KCNH5: variants seen among roughly 807,000 people sequenced by gnomAD.
The protein encoded by KCNH5 is potassium voltage-gated channel subfamily H member 5, also known as voltage-gated delayed rectifier potassium channel KCNH5.
A neutral mutation model predicts 96.1 loss-of-function variants in KCNH5; 46 were observed. That is an observed-to-expected ratio of 0.48 (90% confidence interval 0.38 to 0.61). The LOEUF (loss-of-function observed/expected upper bound fraction) is 0.61, where lower values mean the gene tolerates loss of function less well. Ranked by LOEUF, KCNH5 falls within the 20% of genes least tolerant of loss-of-function variation. The probability of loss-of-function intolerance (pLI) is 0.00; values close to 1 mark genes in which losing one functional copy is unlikely to be tolerated. For missense variants in KCNH5, 907 were observed against 1,225.8 expected, an observed-to-expected ratio of 0.74 and a Z score of 3.88; for synonymous variants, 439 against 449.8, an observed-to-expected ratio of 0.98 and a Z score of 0.30.
At chr14:62,953,098 GT>G (rs947232034) in intron 6 of KCNH5, among the ~76,000 whole-genome samples, 18 of 151,306 alleles carry the variant, frequency 1.2e-4, no homozygotes, top group African/African-American at 4.4e-4. Context: ...ATTATAAAAT[GT>G]TTTACAAGCT....
At chr14:62,868,348 G>A (rs985671399) in intron 7 of KCNH5, among the ~76,000 whole-genome samples, 1 of 152,138 alleles carries the variant, frequency 6.6e-6, no homozygotes, top group Non-Finnish European at 1.5e-5. Flanking sequence ...AATTCTCCAA[G>A]GCAACAGGCC....
Position 62,878,210 on chromosome 14 carries a change from G to GA in KCNH5, c.1370-28359_1370-28358insT, listed in dbSNP as rs1239093761. Among the ~76,000 whole-genome samples, 5 of 138,182 alleles carry GA rather than the reference G, an allele frequency of 3.6e-5. 1 individual carries two copies. The highest frequency in any genetic ancestry group is 1.3e-4 in the African/African-American group (5 of 39,146). 90.7% of individuals were successfully genotyped at this position (138,182 alleles called of 152,430 possible). ...GGGACTGTTGTGGGGATGGGGGGGG[G>GA]GGCGGAGGGATAGCATTAGGAGATA... On this transcript the variant is annotated intron_variant, in intron 7 of 10. Transcript: ENST00000322893.
At chr14:62,775,541 T>C (rs1886078136) in intron 10 of KCNH5, among the ~76,000 whole-genome samples, 1 of 152,236 alleles carries the variant, frequency 6.6e-6, no homozygotes, top group Non-Finnish European at 1.5e-5. Context: ...CGTTCACAGA[T>C]GAAATGAACT....
intron 7 of KCNH5, among the ~76,000 whole-genome samples, chr14:62,923,834 A>T (rs1034657304): frequency 6.6e-6 from 1 of 152,008 alleles, no homozygotes; most frequent in Non-Finnish European, 1.5e-5. Flanking sequence ...TGGATTAAAT[A>T]CTTGAACATA....
intron 10 of KCNH5, among the ~76,000 whole-genome samples, chr14:62,720,532 G>C (rs940453279): frequency 6.6e-6 from 1 of 152,148 alleles, no homozygotes; most frequent in Admixed American, 6.5e-5. Flanking sequence ...GCACTGAGCT[G>C]AGATCGCGCC....
intron 10 of KCNH5, among the ~76,000 whole-genome samples, chr14:62,711,170 A>G (rs1475328265): frequency 6.6e-6 from 1 of 152,168 alleles, no homozygotes; most frequent in Non-Finnish European, 1.5e-5. Flanking sequence ...TAACATGTCC[A>G]TGTAAAATAT....
intron 10 of KCNH5, among the ~76,000 whole-genome samples, chr14:62,779,254 A>G (rs1008412895): frequency 6.2e-4 from 94 of 152,340 alleles, no homozygotes; most frequent in African/African-American, 2.1e-3. Flanking sequence ...CAATGTGGCT[A>G]ATTAATTTTT....
chr14:62,950,223 T>C lies in KCNH5; in HGVS notation c.1279A>G (p.Met427Val). Residue 427 changes from methionine to valine, a missense_variant, in exon 7 of 11, where the codon ATG becomes GTG. By Grantham distance (21) the Met-to-Val change is conservative (BLOSUM62 1). This residue lies in a region of KCNH5 where 370 missense variants were observed against 561.3 expected (regional missense o/e 0.66). Transcript: ENST00000322893. ...AATCCTATGGTTGTAAGGCTTGTCA[T>C]GGTAAAGTAGAGAGAGGACACGTAC... ...SLYVSSLYFT[M>V]TSLTTIGFGN... The C allele has an allele frequency of 1.9e-6, 3 of 1,614,016 alleles. No individual in the cohort carries two copies. The highest frequency in any genetic ancestry group is 1.1e-5 in the South Asian group (1 of 91,072).
chr14:62,928,877 T>C (rs79203317), intron 7 of KCNH5, among the ~76,000 whole-genome samples: 18,981 of 152,026 alleles, frequency 0.12, 1,374 homozygotes, highest in East Asian at 0.28. Flanking sequence ...TGCTTAGACC[T>C]CTTCTCTATT....
At chr14:62,869,609 T>A (rs1888210308) in intron 7 of KCNH5, among the ~76,000 whole-genome samples, 1 of 152,238 alleles carries the variant, frequency 6.6e-6, no homozygotes, top group African/African-American at 2.4e-5. Context: ...TATCCATGCC[T>A]ATGTCCTGAA....
intron 7 of KCNH5, among the ~76,000 whole-genome samples, chr14:62,870,364 C>A (rs1214231935): frequency 6.6e-6 from 1 of 152,090 alleles, no homozygotes. Context: ...ATACAAATGT[C>A]ATGACTTCTT....
chr14:62,791,578 G>A (rs1263005090), intron 9 of KCNH5, among the ~76,000 whole-genome samples: 1 of 151,642 alleles, frequency 6.6e-6, no homozygotes, highest in Non-Finnish European at 1.5e-5. Flanking sequence ...TTAAAGAATG[G>A]AAGATATTCC....
intron 5 of KCNH5, among the ~76,000 whole-genome samples, chr14:62,982,613 T>C (rs1006576583): frequency 2.6e-5 from 4 of 152,222 alleles, no homozygotes; most frequent in Non-Finnish European, 5.9e-5. Flanking sequence ...CTCTGAGTTA[T>C]AATATATGCC....
intron 7 of KCNH5, among the ~76,000 whole-genome samples, chr14:62,866,842 A>C (rs1215709501): frequency 2.6e-5 from 4 of 151,978 alleles, no homozygotes; most frequent in African/African-American, 4.8e-5. Context: ...TGGTCTAGGT[A>C]CTCCTCTCTC....
At chr14:62,830,340 T>C (rs965695682) in intron 8 of KCNH5, among the ~76,000 whole-genome samples, 1 of 152,214 alleles carries the variant, frequency 6.6e-6, no homozygotes, top group African/African-American at 2.4e-5. Flanking sequence ...ATCTTTATAG[T>C]AGTACCTCAC....
chr14:62,843,882 C>A (rs1887639424), intron 8 of KCNH5, among the ~76,000 whole-genome samples: 1 of 151,708 alleles, frequency 6.6e-6, no homozygotes, highest in African/African-American at 2.4e-5. Context: ...TTTTTCATAT[C>A]TAGTAATACG....
intron 5 of KCNH5, among the ~76,000 whole-genome samples, chr14:62,983,662 G>A (rs1181293328): frequency 6.6e-6 from 1 of 152,112 alleles, no homozygotes; most frequent in African/African-American, 2.4e-5. Context: ...ATCACCCTGA[G>A]TTCAGAAAGT....
chr14:62,716,656 C>T (rs1356735243), intron 10 of KCNH5, among the ~76,000 whole-genome samples: 2 of 151,984 alleles, frequency 1.3e-5, no homozygotes, highest in African/African-American at 2.4e-5. Context: ...TTTCAGAGCC[C>T]GATGCAAGAT....
At chr14:62,710,137 A>G (rs1595588718) in intron 10 of KCNH5, among the ~76,000 whole-genome samples, 1 of 152,354 alleles carries the variant, frequency 6.6e-6, no homozygotes, top group East Asian at 1.9e-4. Flanking sequence ...AAAAACCAAT[A>G]CTACTGATGG....
Sources: allele counts gnomAD v4.1 joint callset (sites outside exome capture counted in the v4.1 genomes callset), GRCh38; gene constraint gnomAD v4.1.1; regional missense constraint gnomAD v4.1.1; transcripts MANE v1.5; gene names NCBI Gene and HGNC (gene_info 2026-07-23, HGNC 2026-07-21).